CSMD3: variants seen among roughly 807,000 people sequenced by gnomAD.
CSMD3 encodes CUB and sushi domain-containing protein 3.
In CSMD3, 177 loss-of-function variants were observed where a neutral mutation model predicts 435.2. The observed-to-expected ratio is 0.41, with a 90% CI of 0.36 to 0.46. The LOEUF (loss-of-function observed/expected upper bound fraction) is 0.46. Among genes scored for constraint, CSMD3 ranks in the 20% least tolerant of loss-of-function variants. CSMD3 has a pLI of 0.34. For synonymous variants in CSMD3, 1,656 were observed against 1,520.5 expected (o/e 1.09, Z -2.07); for missense variants, 4,265 against 4,504.6 (o/e 0.95, Z 1.52).
In CSMD3 at chr8:113,061,216, C is replaced by T. The variant is rs144577850; in HGVS notation, c.917+37540G>A. ...ATTGTGTTGTTTGGAATTGCATGCACATCACTCTTGTGTTTTGGAAGGTAT... is the reference window on the plus strand; with the variant it reads ...ATTGTGTTGTTTGGAATTGCATGCATATCACTCTTGTGTTTTGGAAGGTAT... On this transcript the variant is annotated intron_variant, in intron 5 of 70. Coordinates refer to ENST00000297405, the MANE Select transcript of CSMD3 (RefSeq NM_198123.2). 5.9e-3 allele frequency among the ~76,000 whole-genome samples: 901 copies of T among 152,232 alleles called. 4 individuals are homozygous for T. The highest frequency in any genetic ancestry group is 0.019 in the African/African-American group (802 of 41,556).
intron 16 of CSMD3, among the ~76,000 whole-genome samples, chr8:112,676,109 C>T (rs563686247): frequency 2.6e-5 from 4 of 152,144 alleles, no homozygotes; most frequent in African/African-American, 9.6e-5. Context: ...CGTGGGGAGA[C>T]ATATCAGTTT....
chr8:113,029,041 T>C (rs918079072), intron 5 of CSMD3, among the ~76,000 whole-genome samples: 2 of 151,526 alleles, frequency 1.3e-5, no homozygotes, highest in Non-Finnish European at 3.0e-5. Context: ...ACTGACTGTG[T>C]TGTCAGGGGT....
At chr8:112,660,908 G>C (rs765122372) in intron 17 of CSMD3, among the ~76,000 whole-genome samples, 4 of 152,154 alleles carry the variant, frequency 2.6e-5, no homozygotes, top group Admixed American at 6.5e-5. Flanking sequence ...ATTGATTTGA[G>C]TGGGTAATTT....
chr8:113,415,059 C>A (rs1173661023), intron 1 of CSMD3, among the ~76,000 whole-genome samples: 1 of 151,984 alleles, frequency 6.6e-6, no homozygotes, highest in East Asian at 1.9e-4. Context: ...TAAGTTAATA[C>A]GACTTTGGAA....
chr8:112,947,243 A>G (rs1265328839), intron 9 of CSMD3, among the ~76,000 whole-genome samples: 1 of 151,714 alleles, frequency 6.6e-6, no homozygotes, highest in African/African-American at 2.4e-5. Context: ...ATACTATGTA[A>G]ATTCTCTAGG....
At chr8:112,252,616 T>C (rs1563690981) in intron 63 of CSMD3, among the ~76,000 whole-genome samples, 1 of 150,904 alleles carries the variant, frequency 6.6e-6, no homozygotes, top group African/African-American at 2.4e-5. Flanking sequence ...TAATTAGAAT[T>C]ATATAACTAT....
Position 113,066,140 on chromosome 8 carries a change from AAAAG to A in CSMD3, c.917+32612_917+32615del, listed in dbSNP as rs1271398184. ...AGACCCAAGAAAAAGAAAAAAAAAA[AAAAG>A]AAAGAAAAAGAAAGGACAAAAAAGC... On this transcript the variant is annotated intron_variant, in intron 5 of 70. Transcript: ENST00000297405. Among the ~76,000 whole-genome samples, 15 of 151,102 alleles carry A rather than the reference AAAAG, an allele frequency of 9.9e-5. 1 individual carries two copies. Among genetic ancestry groups the A allele is most frequent in the Admixed American group, 5.3e-4 (8 of 15,194 alleles).
In CSMD3 at chr8:112,823,474, C is replaced by A. The variant is rs192398565; in HGVS notation, c.1859+6212G>T. On this transcript the variant is annotated intron_variant, in intron 12 of 70. Transcript: ENST00000297405. Reference sequence around the variant, plus strand: ...TGGGCATTTAGTGCTATAAATTTCCCTCTTAACACTACTTTAGCTGTGTCC... The same window carrying A: ...TGGGCATTTAGTGCTATAAATTTCCATCTTAACACTACTTTAGCTGTGTCC... Among the ~76,000 whole-genome samples the A allele has an allele frequency of 7.0e-4, 107 of 152,246 alleles. 2 individuals are homozygous for A. Among genetic ancestry groups the A allele is most frequent in the African/African-American group, 2.5e-3 (104 of 41,534 alleles).
intron 3 of CSMD3, among the ~76,000 whole-genome samples, chr8:113,212,914 A>G (rs1354056847): frequency 6.7e-6 from 1 of 149,940 alleles, no homozygotes; most frequent in Non-Finnish European, 1.5e-5. Flanking sequence ...TATTAAAAAA[A>G]AAAAAAGAAA....
At chr8:112,541,579 A>T (rs1210686998) in intron 27 of CSMD3, among the ~76,000 whole-genome samples, 1 of 151,926 alleles carries the variant, frequency 6.6e-6, no homozygotes, top group Non-Finnish European at 1.5e-5. Context: ...GAACAGACTC[A>T]TTATTAATAT....
At chr8:113,328,604 C>A (rs1231552624) in intron 1 of CSMD3, among the ~76,000 whole-genome samples, 1 of 151,662 alleles carries the variant, frequency 6.6e-6, no homozygotes, top group East Asian at 1.9e-4. Context: ...GAACAAATAT[C>A]AAAACAATGA....
chr8:113,264,369 C>A (rs1350742908), intron 3 of CSMD3, among the ~76,000 whole-genome samples: 1 of 150,202 alleles, frequency 6.7e-6, no homozygotes, highest in Admixed American at 6.6e-5. Context: ...TAAATTATAG[C>A]AGTTGATAAG....
intron 3 of CSMD3, among the ~76,000 whole-genome samples, chr8:113,227,227 C>T (rs903158962): frequency 6.6e-6 from 1 of 151,564 alleles, no homozygotes; most frequent in South Asian, 2.1e-4. Context: ...AGCTGGAAAA[C>T]TTTTATAGTA....
chr8:112,388,620 GAC>G (rs1202649482), intron 36 of CSMD3, among the ~76,000 whole-genome samples: 1 of 152,164 alleles, frequency 6.6e-6, no homozygotes, highest in Non-Finnish European at 1.5e-5. Context: ...GGTTGAATTT[GAC>G]AAGCCATCAA....
intron 22 of CSMD3, among the ~76,000 whole-genome samples, chr8:112,591,295 T>C (rs193192807): frequency 1.3e-5 from 2 of 152,074 alleles, no homozygotes; most frequent in Admixed American, 6.5e-5. Context: ...TTTAGTTGGA[T>C]TGAAGTGGGA....
chr8:112,836,550 C>T (rs1050056700), intron 11 of CSMD3, among the ~76,000 whole-genome samples: 13 of 151,736 alleles, frequency 8.6e-5, no homozygotes, highest in African/African-American at 2.9e-4. Flanking sequence ...GAGGCTTTTG[C>T]AAAATGATTT....
At chr8:113,047,745 A>G (rs1409310301) in intron 5 of CSMD3, among the ~76,000 whole-genome samples, 3 of 152,214 alleles carry the variant, frequency 2.0e-5, no homozygotes. Context: ...GTATGGCTCC[A>G]GACAGTTGCA....
intron 1 of CSMD3, among the ~76,000 whole-genome samples, chr8:113,433,395 G>C (rs545185941): frequency 1.8e-4 from 28 of 152,170 alleles, no homozygotes; most frequent in Admixed American, 4.6e-4. Context: ...GCGGGCGTCT[G>C]TAAAAGGTGC....
intron 10 of CSMD3, among the ~76,000 whole-genome samples, chr8:112,886,773 T>C (rs2081610358): frequency 6.6e-6 from 1 of 151,584 alleles, no homozygotes; most frequent in African/African-American, 2.4e-5. Context: ...TGGTAGTATT[T>C]ACATACAAAT....
Sources: gnomAD v4.1 joint callset for allele counts (sites outside exome capture counted in the v4.1 genomes callset) on GRCh38, gnomAD v4.1.1 for gene constraint, MANE v1.5 for transcripts, NCBI Gene and HGNC (gene_info 2026-07-23, HGNC 2026-07-21) for gene names.